The following PCDH15 variants were observed in gnomAD, a reference collection of about 807,000 sequenced individuals.
PCDH15 encodes protocadherin-15.
A neutral mutation model predicts 178.5 loss-of-function variants in PCDH15; 129 were observed. That is an observed-to-expected ratio of 0.72 (90% CI 0.63 to 0.84). PCDH15 has a LOEUF of 0.84. Among genes scored for constraint, PCDH15 ranks in the 40% least tolerant of loss-of-function variants. The probability of loss-of-function intolerance (pLI) is 0.00; values close to 1 mark genes in which losing one functional copy is unlikely to be tolerated. For missense variants in PCDH15, 2,230 were observed against 2,099.9 expected, an observed-to-expected ratio of 1.06 and a Z score of -1.21; for synonymous variants, 800 against 732.0, an observed-to-expected ratio of 1.09 and a Z score of -1.50.
intron 25 of PCDH15, among the ~76,000 whole-genome samples, chr10:53,922,956 G>A (rs377598290): frequency 7.9e-5 from 12 of 152,042 alleles, no homozygotes; most frequent in African/African-American, 1.9e-4. Context: ...GCATGGTGGC[G>A]GGCACCTGTA....
At chr10:54,946,866 G>T (rs1181114199) in intron 2 of PCDH15, among the ~76,000 whole-genome samples, 16 of 151,786 alleles carry the variant, frequency 1.1e-4, no homozygotes. Context: ...GAGGTAAATA[G>T]ATAATTCAAT....
At chr10:54,446,024 C>G (rs987984266) in intron 3 of PCDH15, among the ~76,000 whole-genome samples, 8 of 151,376 alleles carry the variant, frequency 5.3e-5, no homozygotes, top group African/African-American at 1.9e-4. Flanking sequence ...AAGTTCTTGT[C>G]CCCTTTGGGA....
At chr10:53,930,900 A>C (rs377284210) in intron 25 of PCDH15, among the ~76,000 whole-genome samples, 6 of 152,216 alleles carry the variant, frequency 3.9e-5, no homozygotes, top group African/African-American at 1.4e-4. Flanking sequence ...TACAGCAAGC[A>C]GCAGGACCTA....
chr10:55,312,322 AAC>A (rs1160986933), intron 1 of PCDH15, among the ~76,000 whole-genome samples: 3 of 152,074 alleles, frequency 2.0e-5, no homozygotes, highest in African/African-American at 7.3e-5. Context: ...TTATTAAAAA[AAC>A]AAAAATATTT....
At chr10:53,974,165 G>C (rs890036429) in intron 21 of PCDH15, among the ~76,000 whole-genome samples, 1 of 151,950 alleles carries the variant, frequency 6.6e-6, no homozygotes. Context: ...TTACAGGGAC[G>C]CTCCATGCCT....
intron 2 of PCDH15, among the ~76,000 whole-genome samples, chr10:55,546,020 T>A (rs1589128745): frequency 6.6e-6 from 1 of 152,142 alleles, no homozygotes. Flanking sequence ...TGTTATTTCT[T>A]CAGGCAAAGT....
At chr10:54,584,120 C>T (rs1326792771) in intron 2 of PCDH15, among the ~76,000 whole-genome samples, 1 of 150,630 alleles carries the variant, frequency 6.6e-6, no homozygotes, top group African/African-American at 2.4e-5. Context: ...AGTGTAGATG[C>T]TCAAGCTTGT....
intron 2 of PCDH15, among the ~76,000 whole-genome samples, chr10:54,994,595 G>C (rs1012661720): frequency 6.6e-6 from 1 of 151,720 alleles, no homozygotes; most frequent in African/African-American, 2.4e-5. Context: ...TATAAATTTT[G>C]GTTATAACTA....
At chr10:55,499,469 C>G (rs2132137494) in intron 2 of PCDH15, among the ~76,000 whole-genome samples, 1 of 150,906 alleles carries the variant, frequency 6.6e-6, no homozygotes, top group Non-Finnish European at 1.5e-5. Flanking sequence ...TGTTGCATCT[C>G]TCACCATGTC....
At chr10:53,959,652 T>C in intron 23 of PCDH15, 80 bp downstream of exon 23, 3 of 1,066,420 alleles carry the variant, frequency 2.8e-6, no homozygotes, top group Non-Finnish European at 2.9e-6. Context: ...CATAAATTCA[T>C]ATTACATCAA....
chr10:55,211,631 G>T (rs1268674015), intron 1 of PCDH15, among the ~76,000 whole-genome samples: 4 of 151,994 alleles, frequency 2.6e-5, no homozygotes, highest in Non-Finnish European at 5.9e-5. Context: ...TTTCTAAATA[G>T]CATTAAGTGA....
At chr10:54,451,996 C>T (rs2076510442) in intron 3 of PCDH15, among the ~76,000 whole-genome samples, 1 of 151,848 alleles carries the variant, frequency 6.6e-6, no homozygotes, top group Non-Finnish European at 1.5e-5. Flanking sequence ...ATGCCAGGAG[C>T]TCTAAATTAT....
At chr10:54,789,892 G>A (rs192381193) in intron 1 of PCDH15, among the ~76,000 whole-genome samples, 9 of 151,950 alleles carry the variant, frequency 5.9e-5, no homozygotes. Flanking sequence ...ATTTAAAGCA[G>A]AATACAAAAA....
Position 54,776,255 on chromosome 10 carries a change from A to G in PCDH15, c.-29+24670T>C, listed in dbSNP as rs553316746. Among the ~76,000 whole-genome samples the G allele has an allele frequency of 2.6e-5, 4 of 152,252 alleles. No individual in the cohort carries two copies. In the East Asian group the frequency reaches 5.8e-4, roughly 22 times the overall value. On this transcript the variant is annotated intron_variant, in intron 1 of 37. Coordinates refer to ENST00000644397, the MANE Select transcript of PCDH15 (RefSeq NM_001384140.1). The stretch of plus-strand genomic sequence containing the variant: ...ACATTGGGGTACAGATTTCTCTTCG[A>G]TGTACTGATTAATTTTCCTTTGGAT...
chr10:54,637,409 T>C (rs994830746), intron 2 of PCDH15, among the ~76,000 whole-genome samples: 16 of 152,100 alleles, frequency 1.1e-4, no homozygotes, highest in African/African-American at 3.1e-4. Flanking sequence ...ATATCCCTTC[T>C]GTAGGTCAAA....
At chr10:54,125,836 C>T (rs1380103509) in intron 15 of PCDH15, among the ~76,000 whole-genome samples, 1 of 152,050 alleles carries the variant, frequency 6.6e-6, no homozygotes, top group Non-Finnish European at 1.5e-5. Context: ...CTTCAGCATC[C>T]AAAGTGTCAG....
intron 2 of PCDH15, among the ~76,000 whole-genome samples, chr10:54,952,822 C>T (rs1282595540): frequency 6.6e-6 from 1 of 151,446 alleles, no homozygotes; most frequent in African/African-American, 2.4e-5. Context: ...AAGAAACCTA[C>T]CAACTTTTTA....
At chr10:54,156,725 A>C (rs1012014974) in intron 13 of PCDH15, among the ~76,000 whole-genome samples, 12 of 152,144 alleles carry the variant, frequency 7.9e-5, no homozygotes, top group African/African-American at 2.9e-4. Context: ...TTCAGCATTA[A>C]CTCAAAAGTC....
intron 1 of PCDH15, among the ~76,000 whole-genome samples, chr10:55,281,104 A>T (rs1311992507): frequency 6.6e-6 from 1 of 152,226 alleles, no homozygotes; most frequent in African/African-American, 2.4e-5. Context: ...TGTGTAAAAA[A>T]TATTATTTTC....
Sources: allele counts gnomAD v4.1 joint callset (sites outside exome capture counted in the v4.1 genomes callset), GRCh38; gene constraint gnomAD v4.1.1; transcripts MANE v1.5; gene names NCBI Gene and HGNC (gene_info 2026-07-23, HGNC 2026-07-21).